The following MAGI2 variants were observed in gnomAD, a reference collection of about 807,000 sequenced individuals.
The protein encoded by MAGI2 is membrane-associated guanylate kinase, WW and PDZ domain-containing protein 2.
In MAGI2, 35 loss-of-function variants were observed where a neutral mutation model predicts 133.3. The observed-to-expected ratio is 0.26, with a 90% CI of 0.20 to 0.35. The LOEUF (loss-of-function observed/expected upper bound fraction) is 0.35. MAGI2 is among the 10% of genes least tolerant of loss of function. MAGI2 has a pLI of 1.00. For synonymous variants in MAGI2, 729 were observed against 710.6 expected (o/e 1.03, Z -0.41); for missense variants, 1,636 against 1,863.4 (o/e 0.88, Z 2.25).
At chr7:79,381,550 G>A (rs554766532) in intron 1 of MAGI2, among the ~76,000 whole-genome samples, 21 of 151,716 alleles carry the variant, frequency 1.4e-4, no homozygotes, top group South Asian at 6.2e-4. Context: ...TCTATGTAGC[G>A]TCTATTAATG....
chr7:78,498,020 C>A (rs141996591), intron 5 of MAGI2, among the ~76,000 whole-genome samples: 386 of 152,208 alleles, frequency 2.5e-3, no homozygotes, highest in Non-Finnish European at 4.6e-3. Context: ...CTCTGGTTTA[C>A]CTTCCTCTTA....
chr7:79,403,333 G>A (rs1291389963), intron 1 of MAGI2, among the ~76,000 whole-genome samples: 1 of 151,974 alleles, frequency 6.6e-6, no homozygotes, highest in Admixed American at 6.6e-5. Context: ...CGTATTTAGT[G>A]ACTCAATATA....
chr7:79,407,459 A>G (rs944141886), intron 1 of MAGI2, among the ~76,000 whole-genome samples: 7 of 152,116 alleles, frequency 4.6e-5, no homozygotes, highest in Admixed American at 2.0e-4. Flanking sequence ...TGATGTAAAA[A>G]CAAGAGTTCC....
intron 2 of MAGI2, among the ~76,000 whole-genome samples, chr7:78,849,597 C>T (rs1056443084): frequency 2.8e-4 from 42 of 151,946 alleles, no homozygotes; most frequent in African/African-American, 9.2e-4. Context: ...CTTTGAGAAA[C>T]CAGGTGTGTC....
intron 13 of MAGI2, among the ~76,000 whole-genome samples, chr7:78,184,830 T>C (rs1213794621): frequency 6.6e-6 from 1 of 152,230 alleles, no homozygotes; most frequent in Non-Finnish European, 1.5e-5. Flanking sequence ...TATGATATTT[T>C]AGCCTAATTT....
At chr7:78,567,113 A>G (rs1801019624) in intron 3 of MAGI2, among the ~76,000 whole-genome samples, 1 of 152,196 alleles carries the variant, frequency 6.6e-6, no homozygotes, top group Admixed American at 6.5e-5. Context: ...TATTGTCCCC[A>G]TTATTCTAAT....
At position 78,983,785 on chromosome 7, in the gene MAGI2, ACT is replaced by A. The variant is rs1219141032; in HGVS notation, c.418+23303_418+23304del. On this transcript the variant is annotated intron_variant, in intron 2 of 21. Coordinates refer to ENST00000354212, the MANE Select transcript of MAGI2 (RefSeq NM_012301.4). ...GTTTTCCTTGCTGGTTCCCTTTGCA[ACT>A]CTCCATCTAAAATTGAAGTACCTAG... Among the ~76,000 whole-genome samples, 471 of 151,574 alleles carry A rather than the reference ACT, an allele frequency of 3.1e-3. 3 individuals carry two copies. The highest frequency in any genetic ancestry group is 0.011 in the African/African-American group (457 of 41,334).
chr7:79,352,668 A>G (rs1841768637), intron 1 of MAGI2, among the ~76,000 whole-genome samples: 1 of 152,214 alleles, frequency 6.6e-6, no homozygotes, highest in South Asian at 2.1e-4. Flanking sequence ...TTAATAAAAC[A>G]TTATTCACAA....
At chr7:78,536,280 T>C (rs1376477215) in intron 3 of MAGI2, among the ~76,000 whole-genome samples, 6 of 147,640 alleles carry the variant, frequency 4.1e-5, no homozygotes, top group African/African-American at 1.6e-4. Flanking sequence ...GCCCGGCTAA[T>C]TTTTTGTATT....
At chr7:79,169,412 A>G (rs1473425457) in intron 1 of MAGI2, among the ~76,000 whole-genome samples, 1 of 152,150 alleles carries the variant, frequency 6.6e-6, no homozygotes, top group Admixed American at 6.6e-5. Context: ...ATAGTTCTAA[A>G]TATTTAACTA....
At chr7:78,750,837 A>T (rs554947430) in intron 2 of MAGI2, among the ~76,000 whole-genome samples, 1 of 152,376 alleles carries the variant, frequency 6.6e-6, no homozygotes, top group East Asian at 1.9e-4. Flanking sequence ...TACGACAGAT[A>T]TAATGAAAAA....
chr7:78,236,118 G>GT (rs1790515572), intron 10 of MAGI2, among the ~76,000 whole-genome samples: 3 of 151,306 alleles, frequency 2.0e-5, no homozygotes, highest in Non-Finnish European at 4.4e-5. Flanking sequence ...AATGTATAGG[G>GT]TTAATCTGTT....
At chr7:78,539,159 AGGT>A (rs1798206326) in intron 3 of MAGI2, among the ~76,000 whole-genome samples, 1 of 152,230 alleles carries the variant, frequency 6.6e-6, no homozygotes, top group African/African-American at 2.4e-5. Context: ...GATTTATCAT[AGGT>A]GGCTTTTATT....
intron 1 of MAGI2, among the ~76,000 whole-genome samples, chr7:79,224,405 T>A (rs1563014709): frequency 6.6e-6 from 1 of 151,996 alleles, no homozygotes; most frequent in African/African-American, 2.4e-5. Context: ...AAACAGTGAG[T>A]ACTTTATGCT....
chr7:78,275,320 T>C (rs117632226), intron 9 of MAGI2, among the ~76,000 whole-genome samples: 2,456 of 152,262 alleles, frequency 0.016, 33 homozygotes, highest in Non-Finnish European at 0.024. Flanking sequence ...GGTACTTCAG[T>C]TGGAAATTCA....
intron 3 of MAGI2, among the ~76,000 whole-genome samples, chr7:78,553,739 T>C (rs1295677592): frequency 2.0e-5 from 3 of 152,212 alleles, no homozygotes; most frequent in Non-Finnish European, 4.4e-5. Flanking sequence ...AGAGAAATCA[T>C]ATTGCCCCAA....
At chr7:78,925,655 A>G (rs2151644481) in intron 2 of MAGI2, among the ~76,000 whole-genome samples, 1 of 152,198 alleles carries the variant, frequency 6.6e-6, no homozygotes, top group Admixed American at 6.6e-5. Flanking sequence ...AGCAAAGGTA[A>G]GAATCCATTG....
chr7:78,361,026 GTGTGCTAT>G (rs1232658103), intron 7 of MAGI2, among the ~76,000 whole-genome samples: 5 of 152,114 alleles, frequency 3.3e-5, no homozygotes, highest in African/African-American at 1.2e-4. Context: ...GTACTACCCT[GTGTGCTAT>G]TGTGCTATTT....
intron 1 of MAGI2, among the ~76,000 whole-genome samples, chr7:79,326,845 T>A (rs1839733598): frequency 6.6e-6 from 1 of 152,020 alleles, no homozygotes; most frequent in Admixed American, 6.6e-5. Context: ...GTGCACCAAG[T>A]CCTCTTTTCG....
Sources: allele counts gnomAD v4.1 joint callset (sites outside exome capture counted in the v4.1 genomes callset), GRCh38; gene constraint gnomAD v4.1.1; transcripts MANE v1.5; gene names NCBI Gene and HGNC (gene_info 2026-07-23, HGNC 2026-07-21).